TP53TG5: variants seen among roughly 807,000 people sequenced by gnomAD.
TP53TG5 encodes the protein TP53-target gene 5 protein.
Under a neutral mutation model 30.0 loss-of-function variants are expected in TP53TG5, and 17 were observed. The observed-to-expected ratio is 0.57, with a 90% CI of 0.39 to 0.85. TP53TG5 has a LOEUF of 0.85. TP53TG5 is among the 40% of genes least tolerant of loss of function. TP53TG5 has a pLI of 0.00. For missense variants in TP53TG5, 338 were observed against 367.9 expected, an observed-to-expected ratio of 0.92 and a Z score of 0.67; for synonymous variants, 137 against 139.2, an observed-to-expected ratio of 0.98 and a Z score of 0.11.
At chr20:45,377,182 G>A in intron 3 of TP53TG5, 30 bp downstream of exon 3, 1 of 1,611,140 alleles carries the variant, frequency 6.2e-7, no homozygotes, top group East Asian at 2.2e-5. Context: ...CGGCATTTGG[G>A]TCCATTATGG....
At chr20:45,377,487 C>G in intron 2 of TP53TG5, 52 bp downstream of exon 2, 2 of 1,611,400 alleles carry the variant, frequency 1.2e-6, no homozygotes, top group Non-Finnish European at 1.7e-6. Context: ...AGGGGCAGTA[C>G]TGCATGAGTA....
chr20:45,378,296 G>C lies in TP53TG5; in HGVS notation c.-60C>G. The C allele has an allele frequency of 1.2e-6, 2 of 1,611,660 alleles. No homozygotes were observed. The highest frequency in any genetic ancestry group is 1.7e-6 in the Non-Finnish European group (2 of 1,179,214). On this transcript the variant is annotated 5_prime_UTR_variant, in exon 1 of 5. Transcript: ENST00000372726. ...AACACCAGTGCCAGGCACCAACCCT[G>C]TTCCTCTCAGTTCAGCCAGCACTCA...
Position 45,374,362 on chromosome 20 carries a change from C to G in TP53TG5, c.769-351G>C. ...GTCACAGCTCACTGCAGCCTCGACTCCTGGGCTTAAGCGATCCTCCGACCT... is the reference window on the plus strand; with the variant it reads ...GTCACAGCTCACTGCAGCCTCGACTGCTGGGCTTAAGCGATCCTCCGACCT... On this transcript the variant is annotated intron_variant, in intron 4 of 4. Transcript: ENST00000372726. The G allele has an allele frequency of 1.5e-5, 10 of 657,472 alleles. No individual in the cohort carries two copies. In the South Asian group the frequency reaches 1.7e-4, roughly 11 times the overall value. The allele number at this position is 657,472 out of a possible 1,614,324, so 40.7% of individuals were successfully genotyped here.
rs896386412 is a variant in TP53TG5 at position 45,377,773 on chromosome 20, C to CA, written c.49-161dup. ...CAACATGGTGAAACCCTGACTCTAC[C>CA]AAAAAAAAAAATACAAAAATTAGCG... On this transcript the variant is annotated intron_variant, in intron 1 of 4. Coordinates refer to ENST00000372726, the MANE Select transcript of TP53TG5 (RefSeq NM_014477.3). Among the ~76,000 whole-genome samples the CA allele has an allele frequency of 3.7e-3, 535 of 145,652 alleles. 2 individuals carry two copies. The highest frequency in any genetic ancestry group is 0.014 in the East Asian group (70 of 5,052).
At position 45,375,655 on chromosome 20, in the gene TP53TG5, G is replaced by C. The variant is rs1988709351; in HGVS notation, c.255-103C>G. ...CAGGGGAGCCTGTTAAGAAAGGCTA[G>C]AGGGGCCTGCAAAGAAACTTCTCTA... On this transcript the variant is annotated intron_variant, in intron 3 of 4. Transcript: ENST00000372726. The C allele has an allele frequency of 2.8e-6, 4 of 1,430,600 alleles. No individual in the cohort carries two copies. In the South Asian group the frequency reaches 5.6e-5, roughly 20 times the overall value. The allele number at this position is 1,430,600 out of a possible 1,614,324, so 88.6% of individuals were successfully genotyped here.
chr20:45,377,420 C>G lies in TP53TG5; in HGVS notation c.124-78G>C, dbSNP rs1212265318. The G allele has an allele frequency of 1.7e-5, 27 of 1,610,426 alleles. No individual in the cohort carries two copies. The Admixed American group carries it at 4.3e-4, about 26-fold the overall frequency. On this transcript the variant is annotated intron_variant, in intron 2 of 4. Coordinates refer to ENST00000372726, the MANE Select transcript of TP53TG5 (RefSeq NM_014477.3). Reference sequence around the variant, plus strand: ...CTCCCTCTCCCCTGCCTGCCTCTGGCTCCGCTCAGCCAAGGGCCGGCCTGC... The same window carrying G: ...CTCCCTCTCCCCTGCCTGCCTCTGGGTCCGCTCAGCCAAGGGCCGGCCTGC...
At position 45,372,983 on chromosome 20, in the gene TP53TG5, A is replaced by G. The variant is rs1255357698; in HGVS notation, c.*924T>C. On this transcript the variant is annotated 3_prime_UTR_variant, in exon 5 of 5. Coordinates refer to ENST00000372726, the MANE Select transcript of TP53TG5 (RefSeq NM_014477.3). ...GTTCTCCCTCTGTCCCAAACTGGAG[A>G]TCTATCTGCATCGCTGCCCTGACCC... is the stretch of plus-strand genomic sequence containing the variant. 1 of 152,218 alleles carries G rather than the reference A, an allele frequency of 6.6e-6. No individual in the cohort carries two copies. The highest frequency in any genetic ancestry group is 2.4e-5 in the African/African-American group (1 of 41,384). The allele number at this position is 152,218 out of a possible 1,614,324, so 9.4% of individuals were successfully genotyped here. A position where few individuals can be genotyped will look rare whatever the true frequency, so the allele number is the denominator to read the frequency against.
At chr20:45,374,826 G>A in intron 4 of TP53TG5, 1 of 616,348 alleles carries the variant, frequency 1.6e-6, no homozygotes, top group East Asian at 2.8e-5. Context: ...TCTCCTAGCT[G>A]TATCCTGAGA....
In TP53TG5 at chr20:45,377,052, C is replaced by G. The variant is rs923769046; in HGVS notation, c.254+160G>C. 3.3e-6 allele frequency: 3 copies of G among 903,138 alleles called. No homozygotes were observed. In the Admixed American group the frequency reaches 8.6e-5, roughly 26 times the overall value. 55.9% of individuals were successfully genotyped at this position (903,138 alleles called of 1,614,324 possible). A position where few individuals can be genotyped will look rare whatever the true frequency, so the allele number is the denominator to read the frequency against. The stretch of plus-strand genomic sequence containing the variant: ...AACTGAATGAGACAAGTCACTTCAC[C>G]TCTTCAGCCTCAGCTCTCCAGCAGT... On this transcript the variant is annotated intron_variant, in intron 3 of 4. Transcript: ENST00000372726.
rs564003342 is a variant in TP53TG5, at chr20:45,374,962, T to A, written c.768+77A>T. On this transcript the variant is annotated intron_variant, in intron 4 of 4. Coordinates refer to ENST00000372726, the MANE Select transcript of TP53TG5 (RefSeq NM_014477.3). The stretch of plus-strand genomic sequence containing the variant: ...ACTCAAGACTCCAGATCCTGAACCC[T>A]GACTCTGGGGCCCAGCTCTGGGCCT... The A allele has an allele frequency of 5.0e-5, 77 of 1,540,704 alleles. 1 individual carries two copies. The African/African-American group carries it at 9.7e-4, about 19-fold the overall frequency.
At chr20:45,377,172 C>G in intron 3 of TP53TG5, 40 bp downstream of exon 3, 1 of 1,608,520 alleles carries the variant, frequency 6.2e-7, no homozygotes, top group East Asian at 2.2e-5. Context: ...CCCAGAAAGA[C>G]GGCATTTGGG....
rs550424249 is a variant in TP53TG5, at chr20:45,377,401, C to T, written c.124-59G>A. On this transcript the variant is annotated intron_variant, in intron 2 of 4. Transcript: ENST00000372726. Reference sequence around the variant, plus strand: ...TTCAGCTTTCCTGGACAGCCTCCCTCTCCCCTGCCTGCCTCTGGCTCCGCT... The same window carrying T: ...TTCAGCTTTCCTGGACAGCCTCCCTTTCCCCTGCCTGCCTCTGGCTCCGCT... 2.0e-4 allele frequency: 318 copies of T among 1,611,610 alleles called. 4 individuals are homozygous for T. In the South Asian group the frequency reaches 3.2e-3, roughly 16 times the overall value.
chr20:45,375,419 TC>T lies in TP53TG5; in HGVS notation c.387del (p.Trp129Ter). On this transcript the variant is annotated frameshift_variant, in exon 4 of 5. Transcript: ENST00000372726. LOFTEE classifies it high-confidence loss of function. ...GDPKKKEYKE[W>X]KSQVQSGMRN... ...CTCATCCCTGACTGCACCTGGGACT[TC>T]CACTCCTTGTACTCTTTTTTCTTAG... 1 of 1,614,198 alleles carries T rather than the reference TC, an allele frequency of 6.2e-7. No individual in the cohort carries two copies. Among genetic ancestry groups the T allele is most frequent in the Non-Finnish European group, 8.5e-7 (1 of 1,180,034 alleles).
In TP53TG5 at chr20:45,373,810, G is replaced by A. The variant is rs945880698; in HGVS notation, c.*97C>T. 7.4e-6 allele frequency: 9 copies of A among 1,213,248 alleles called. No individual in the cohort carries two copies. The African/African-American group carries it at 1.2e-4, about 16-fold the overall frequency. 75.2% of individuals were successfully genotyped at this position (1,213,248 alleles called of 1,614,324 possible). On this transcript the variant is annotated 3_prime_UTR_variant, in exon 5 of 5. Coordinates refer to ENST00000372726, the MANE Select transcript of TP53TG5 (RefSeq NM_014477.3). The stretch of plus-strand genomic sequence containing the variant: ...GGGGGAAGCCTGAAGTCGCGACACA[G>A]GCTCCCTCTACCGAAGGCCTCTTTC...
chr20:45,373,292 C>T lies in TP53TG5; in HGVS notation c.*615G>A, dbSNP rs922238999. 1 of 156,706 alleles carries T rather than the reference C, an allele frequency of 6.4e-6. No homozygotes were observed. The highest frequency in any genetic ancestry group is 2.4e-5 in the African/African-American group (1 of 41,494). The allele number at this position is 156,706 out of a possible 1,614,324, so 9.7% of individuals were successfully genotyped here. A position where few individuals can be genotyped will look rare whatever the true frequency, so the allele number is the denominator to read the frequency against. ...CAGTAGAGATGCAGTACCAGCTCCC[C>T]CTCCTGATCCGGTGCCTTCTGTGAT... On this transcript the variant is annotated 3_prime_UTR_variant, in exon 5 of 5. Coordinates refer to ENST00000372726, the MANE Select transcript of TP53TG5 (RefSeq NM_014477.3).
chr20:45,374,490 T>C, intron 4 of TP53TG5: 1 of 551,190 alleles, frequency 1.8e-6, no homozygotes, highest in Non-Finnish European at 3.2e-6. Flanking sequence ...CAGGATGGTC[T>C]TGAACTCCTG....
intron 4 of TP53TG5, 183 bp from the exon 5 acceptor site, chr20:45,374,194 ACTTTC>A: frequency 1.5e-6 from 1 of 671,372 alleles, no homozygotes; most frequent in Non-Finnish European, 2.7e-6. Flanking sequence ...CTTTCGTGGG[ACTTTC>A]ATTCTCCCAC....
chr20:45,374,171 A>G, intron 4 of TP53TG5, 160 bp from the exon 5 acceptor site: 1 of 684,572 alleles, frequency 1.5e-6, no homozygotes, highest in Non-Finnish European at 2.6e-6. Flanking sequence ...CCCGGTGGGC[A>G]CTCACCCCCT....
At chr20:45,378,061 C>T in intron 1 of TP53TG5, 128 bp downstream of exon 1, 1 of 1,309,256 alleles carries the variant, frequency 7.6e-7, no homozygotes, top group Non-Finnish European at 1.1e-6. Flanking sequence ...TTTAACTCTC[C>T]TGACCTCCCT....
Sources: allele counts gnomAD v4.1 joint callset (sites outside exome capture counted in the v4.1 genomes callset), GRCh38; gene constraint gnomAD v4.1.1; transcripts MANE v1.5; gene names NCBI Gene and HGNC (gene_info 2026-07-23, HGNC 2026-07-21).